CEP112: variants seen among roughly 807,000 people sequenced by gnomAD.
CEP112 encodes the protein centrosomal protein 112.
A neutral mutation model predicts 153.0 loss-of-function variants in CEP112; 127 were observed. The observed-to-expected ratio is 0.83, with a 90% CI of 0.72 to 0.96. The LOEUF (loss-of-function observed/expected upper bound fraction) is 0.96. CEP112 is among the 40% of genes least tolerant of loss of function. The pLI, the probability that CEP112 is intolerant of heterozygous loss-of-function variation, is 0.00. For missense variants in CEP112, 1,089 were observed against 1,101.2 expected, an observed-to-expected ratio of 0.99 and a Z score of 0.16; for synonymous variants, 358 against 374.4, an observed-to-expected ratio of 0.96 and a Z score of 0.51.
At chr17:65,936,809 C>CCCCCCCCCCTCCCCCTCT (rs2061323766) in intron 18 of CEP112, among the ~76,000 whole-genome samples, 1 of 94,728 alleles carries the variant, frequency 1.1e-5, no homozygotes, top group Non-Finnish European at 2.1e-5. Context: ...CCTCCCCCTC[C>CCCCCCCCCCTCCCCCTCT]CCCTCTCCCC....
intron 12 of CEP112, among the ~76,000 whole-genome samples, chr17:66,044,332 T>C (rs1404760630): frequency 6.6e-6 from 1 of 152,048 alleles, no homozygotes; most frequent in East Asian, 1.9e-4. Context: ...TGTGAAGATT[T>C]AGAATGTTGA....
chr17:65,852,199 CT>C lies in CEP112; in HGVS notation c.2164-166del, dbSNP rs1466373200. On this transcript the variant is annotated intron_variant, in intron 20 of 26. Coordinates refer to ENST00000535342, the MANE Select transcript of CEP112 (RefSeq NM_001199165.4). The stretch of plus-strand genomic sequence containing the variant: ...TCCTTCCTTCCCTCCCTCTTTCCCT[CT>C]CCCTTCCTTCCTTCCCTCCCTCTTT... Among the ~76,000 whole-genome samples the C allele has an allele frequency of 4.9e-3, 692 of 139,876 alleles. 50 individuals are homozygous for C. The East Asian group carries it at 0.14, about 28-fold the overall frequency. 91.8% of individuals were successfully genotyped at this position (139,876 alleles called of 152,430 possible).
At chr17:65,689,345 G>A in intron 23 of CEP112, 127 bp from the exon 24 acceptor site, 1 of 623,730 alleles carries the variant, frequency 1.6e-6, no homozygotes, top group Non-Finnish European at 2.8e-6. Flanking sequence ...AAGCATTCAG[G>A]CAAACAATAC....
At chr17:65,759,572 C>T (rs1053133549) in intron 21 of CEP112, among the ~76,000 whole-genome samples, 3 of 152,182 alleles carry the variant, frequency 2.0e-5, no homozygotes, top group Admixed American at 6.5e-5. Context: ...AATAAATGTG[C>T]AAATTTGTAA....
chr17:65,736,636 A>G (rs1165924405), intron 23 of CEP112, among the ~76,000 whole-genome samples: 3 of 152,182 alleles, frequency 2.0e-5, no homozygotes, highest in Non-Finnish European at 4.4e-5. Flanking sequence ...TCCGAAAGGT[A>G]GATGCCCCAG....
chr17:65,936,926 C>T (rs2061331197), intron 18 of CEP112, among the ~76,000 whole-genome samples: 2 of 151,262 alleles, frequency 1.3e-5, no homozygotes, highest in African/African-American at 4.9e-5. Context: ...CCTGATTCTC[C>T]TGCCTCAGCC....
At chr17:66,033,060 C>T (rs2065561203) in intron 12 of CEP112, among the ~76,000 whole-genome samples, 1 of 151,626 alleles carries the variant, frequency 6.6e-6, no homozygotes. Context: ...TGAAAAAAAT[C>T]ACACAAACCA....
intron 19 of CEP112, among the ~76,000 whole-genome samples, chr17:65,908,578 C>T (rs2060168481): frequency 1.3e-5 from 2 of 151,940 alleles, no homozygotes; most frequent in African/African-American, 2.4e-5. Flanking sequence ...CACGCAATCC[C>T]AGCTACTCAG....
chr17:66,099,191 A>C (rs910408631), intron 6 of CEP112, among the ~76,000 whole-genome samples: 4 of 152,306 alleles, frequency 2.6e-5, no homozygotes, highest in Middle Eastern at 3.4e-3. Flanking sequence ...GAAACAAGAC[A>C]GAATCAAAGA....
intron 8 of CEP112, among the ~76,000 whole-genome samples, chr17:66,092,167 G>T (rs2068162155): frequency 6.6e-6 from 1 of 151,278 alleles, no homozygotes; most frequent in South Asian, 2.1e-4. Context: ...AGCCTCCCAA[G>T]TAGCTGGGAT....
intron 6 of CEP112, 123 bp from the exon 7 acceptor site, chr17:66,096,755 A>AT: frequency 1.5e-6 from 1 of 664,182 alleles, no homozygotes; most frequent in South Asian, 2.0e-5. Context: ...TATTTAATTC[A>AT]TTTTTAGAAT....
intron 1 of CEP112, among the ~76,000 whole-genome samples, chr17:66,189,502 CAAAAAAA>C (rs36115506): frequency 8.3e-6 from 1 of 119,964 alleles, no homozygotes; most frequent in Admixed American, 8.6e-5. Flanking sequence ...AACTCTGTCT[CAAAAAAA>C]AAAAAAAAAG....
At chr17:65,935,215 G>A (rs778176733) in intron 18 of CEP112, among the ~76,000 whole-genome samples, 2 of 152,028 alleles carry the variant, frequency 1.3e-5, no homozygotes, top group African/African-American at 2.4e-5. Flanking sequence ...CTCATCAAAC[G>A]GATATAACAA....
At chr17:66,067,076 A>G (rs954768807) in intron 9 of CEP112, among the ~76,000 whole-genome samples, 199 bp from the exon 10 acceptor site, 1 of 151,568 alleles carries the variant, frequency 6.6e-6, no homozygotes, top group African/African-American at 2.4e-5. Context: ...TCTCTTATCC[A>G]CAGCTTTACT....
intron 4 of CEP112, among the ~76,000 whole-genome samples, chr17:66,133,276 A>G (rs2070283226): frequency 6.6e-6 from 1 of 152,204 alleles, no homozygotes; most frequent in South Asian, 2.1e-4. Context: ...GTGTAAAAAG[A>G]GAGAAAATGA....
chr17:66,027,241 G>A (rs1044304372), intron 16 of CEP112, among the ~76,000 whole-genome samples: 9 of 152,034 alleles, frequency 5.9e-5, no homozygotes, highest in African/African-American at 1.7e-4. Context: ...GCTAGGCATG[G>A]TGGTGCACAC....
At chr17:66,177,060 T>C in intron 2 of CEP112, 40 bp from the exon 3 acceptor site, 2 of 1,504,868 alleles carry the variant, frequency 1.3e-6, no homozygotes, top group South Asian at 1.3e-5. Context: ...TTATTTTTTA[T>C]AAAATGAAAC....
At chr17:66,037,375 C>G (rs943612134) in intron 12 of CEP112, among the ~76,000 whole-genome samples, 1 of 152,096 alleles carries the variant, frequency 6.6e-6, no homozygotes, top group Non-Finnish European at 1.5e-5. Flanking sequence ...TCTCTCTCTC[C>G]TCTCCCTGTT....
At chr17:65,662,523 G>A (rs551047390) in intron 24 of CEP112, among the ~76,000 whole-genome samples, 16 of 152,068 alleles carry the variant, frequency 1.1e-4, no homozygotes, top group Admixed American at 7.2e-4. Flanking sequence ...TGTTCTTTCC[G>A]TTGAAGGCAT....
Sources: allele counts gnomAD v4.1 joint callset (sites outside exome capture counted in the v4.1 genomes callset), GRCh38; gene constraint gnomAD v4.1.1; transcripts MANE v1.5; gene names NCBI Gene and HGNC (gene_info 2026-07-23, HGNC 2026-07-21).